CERS4: variants seen among roughly 807,000 people sequenced by gnomAD.
CERS4 encodes the protein LAG1 homolog, ceramide synthase 4.
CERS4 carries 65 observed loss-of-function variants against 51.8 expected under a neutral mutation model. That is an observed-to-expected ratio of 1.26 (90% CI 1.03 to 1.54). The LOEUF (loss-of-function observed/expected upper bound fraction) is 1.54. CERS4 is among the 40% of genes most tolerant of loss of function. The probability of loss-of-function intolerance (pLI) is 0.00; values close to 1 mark genes in which losing one functional copy is unlikely to be tolerated. For missense variants in CERS4, 563 were observed against 500.4 expected (o/e 1.13, Z -1.19); for synonymous variants, 228 against 208.4 (o/e 1.09, Z -0.81).
At chr19:8,223,176 A>G (rs746184453) in intron 2 of CERS4, among the ~76,000 whole-genome samples, 15 of 151,702 alleles carry the variant, frequency 9.9e-5, no homozygotes, top group Non-Finnish European at 1.9e-4. Context: ...TCTGCCAAAA[A>G]AAAAAATTAG....
At position 8,231,851 on chromosome 19, in the gene CERS4, A is replaced by ATTTTTTTTTTTTT. The variant is rs3042169; in HGVS notation, c.-1-19215_-1-19203dup. ...ACAAGCATGAGGCACTGTGCCCAGC[A>ATTTTTTTTTTTTT]TTTTTTTTTTTTTTTTTTTTTTAGA... On this transcript the variant is annotated intron_variant, in intron 2 of 11. Transcript: ENST00000251363. 5.5e-4 allele frequency among the ~76,000 whole-genome samples: 57 copies of ATTTTTTTTTTTTT among 104,406 alleles called. 5 individuals are homozygous for ATTTTTTTTTTTTT. Among genetic ancestry groups the ATTTTTTTTTTTTT allele is most frequent in the African/African-American group, 2.1e-3 (50 of 24,004 alleles). The allele number at this position is 104,406 out of a possible 152,430, so 68.5% of individuals were successfully genotyped here. A position where few individuals can be genotyped will look rare whatever the true frequency, so the allele number is the denominator to read the frequency against.
intron 2 of CERS4, among the ~76,000 whole-genome samples, chr19:8,227,534 G>T (rs1231145865): frequency 6.6e-6 from 1 of 151,932 alleles, no homozygotes; most frequent in Admixed American, 6.6e-5. Flanking sequence ...TGGAGATGGG[G>T]TTTCACCATG....
intron 10 of CERS4, 80 bp downstream of exon 10, chr19:8,258,065 T>C: frequency 9.3e-7 from 1 of 1,074,494 alleles, no homozygotes; most frequent in East Asian, 2.4e-5. Context: ...ATTGGTACCC[T>C]GCCCCAAGGA....
chr19:8,223,715 G>A (rs553938248), intron 2 of CERS4, among the ~76,000 whole-genome samples: 1 of 152,262 alleles, frequency 6.6e-6, no homozygotes, highest in South Asian at 2.1e-4. Flanking sequence ...GAGCCTGGGA[G>A]GTCGAAACTG....
At chr19:8,218,977 C>CACTTT (rs912108240) in intron 2 of CERS4, among the ~76,000 whole-genome samples, 1 of 152,044 alleles carries the variant, frequency 6.6e-6, no homozygotes, top group Non-Finnish European at 1.5e-5. Flanking sequence ...GAGGCCGAGG[C>CACTTT]GGGAGGATCA....
At chr19:8,251,296 G>A in intron 3 of CERS4, 47 bp downstream of exon 3, 1 of 1,524,648 alleles carries the variant, frequency 6.6e-7, no homozygotes, top group Non-Finnish European at 8.8e-7. Context: ...AGTCGCTCCA[G>A]TATGTGCTCG....
At chr19:8,256,133 G>C (rs1238732181) in intron 6 of CERS4, 103 bp from the exon 7 acceptor site, 2 of 1,259,606 alleles carry the variant, frequency 1.6e-6, no homozygotes, top group African/African-American at 3.0e-5. Context: ...CTGGGTGAAG[G>C]TAGCATCTAT....
intron 2 of CERS4, among the ~76,000 whole-genome samples, chr19:8,234,954 G>C (rs1201645717): frequency 3.3e-5 from 5 of 151,100 alleles, no homozygotes; most frequent in African/African-American, 1.2e-4. Context: ...ATTTCATTCA[G>C]CATAACGTCC....
chr19:8,256,224 A>G lies in CERS4; in HGVS notation c.469-12A>G, dbSNP rs779324720. The G allele has an allele frequency of 3.1e-6, 5 of 1,610,224 alleles. No homozygotes were observed. Among genetic ancestry groups the G allele is most frequent in the Non-Finnish European group, 4.2e-6 (5 of 1,178,540 alleles). On this transcript the variant is annotated splice_polypyrimidine_tract_variant and intron_variant, in intron 6 of 11. Transcript: ENST00000251363. ...CTCACCTCTGCACAGCCTGACACCC[A>G]TTTCCCTGCAGGAGTCATGGCTGTG... is the stretch of plus-strand genomic sequence containing the variant.
chr19:8,261,567 G>A lies in CERS4; in HGVS notation c.849-121G>A, dbSNP rs1969703231. 4.5e-6 allele frequency: 5 copies of A among 1,120,170 alleles called. No individual in the cohort carries two copies. In the Admixed American group the frequency reaches 7.9e-5, roughly 18 times the overall value. The allele number at this position is 1,120,170 out of a possible 1,614,324, so 69.4% of individuals were successfully genotyped here. A position where few individuals can be genotyped will look rare whatever the true frequency, so the allele number is the denominator to read the frequency against. Reference sequence around the variant, plus strand: ...AGAGTGTTAGGTATCATGGGGTGGGGGGCACTAGGGAGCCATAGGTGGTTA... The same window carrying A: ...AGAGTGTTAGGTATCATGGGGTGGGAGGCACTAGGGAGCCATAGGTGGTTA... On this transcript the variant is annotated intron_variant, in intron 10 of 11. Coordinates refer to ENST00000251363, the MANE Select transcript of CERS4 (RefSeq NM_024552.3).
At chr19:8,254,721 A>G (rs1302773529) in intron 4 of CERS4, 105 bp downstream of exon 4, 8 of 958,902 alleles carry the variant, frequency 8.3e-6, no homozygotes, top group Middle Eastern at 3.2e-4. Context: ...AGGTGGCTGC[A>G]GGCACCCCTG....
rs369751457 is a variant in CERS4, at chr19:8,229,493, C to T, written c.-2+18631C>T. On this transcript the variant is annotated intron_variant, in intron 2 of 11. Transcript: ENST00000251363. ...TGCGATCCCAGCTCACTGCAACCTC[C>T]GTCTCCTGGGTTCAAGTGATTCTCC... is the stretch of plus-strand genomic sequence containing the variant. Among the ~76,000 whole-genome samples the T allele has an allele frequency of 1.7e-3, 253 of 152,210 alleles. 1 individual carries two copies. The highest frequency in any genetic ancestry group is 5.8e-3 in the African/African-American group (239 of 41,540).
intron 2 of CERS4, among the ~76,000 whole-genome samples, chr19:8,235,007 C>CTT (rs566104740): frequency 0.052 from 6,636 of 127,430 alleles, 333 homozygotes; most frequent in East Asian, 0.15. Flanking sequence ...TTCTTTCTTT[C>CTT]TTTCTTTTTT....
intron 2 of CERS4, among the ~76,000 whole-genome samples, chr19:8,247,706 C>G (rs1003516235): frequency 1.3e-5 from 2 of 151,226 alleles, no homozygotes; most frequent in Non-Finnish European, 2.9e-5. Context: ...AGGCATGAAC[C>G]ACTTTGCCTG....
At position 8,220,881 on chromosome 19, in the gene CERS4, G is replaced by T. The variant is rs1967507570; in HGVS notation, c.-2+10019G>T. On this transcript the variant is annotated intron_variant, in intron 2 of 11. Transcript: ENST00000251363. ...CTGTCACCCGGGCTGGAGTACAGTGGTGCAACCTCGGCTCACTGCAAGCTC... is the reference window on the plus strand; with the variant it reads ...CTGTCACCCGGGCTGGAGTACAGTGTTGCAACCTCGGCTCACTGCAAGCTC... 2.0e-5 allele frequency among the ~76,000 whole-genome samples: 3 copies of T among 151,840 alleles called. No homozygotes were observed. The South Asian group carries it at 6.2e-4, about 32-fold the overall frequency.
At chr19:8,247,304 T>A (rs1968830838) in intron 2 of CERS4, among the ~76,000 whole-genome samples, 1 of 145,570 alleles carries the variant, frequency 6.9e-6, no homozygotes, top group Non-Finnish European at 1.5e-5. Flanking sequence ...ACGGACCTCC[T>A]CACTGTTGCT....
rs542392583 is a variant in CERS4, at chr19:8,233,456, C to A, written c.-1-17620C>A. Among the ~76,000 whole-genome samples the A allele has an allele frequency of 3.3e-5, 5 of 152,086 alleles. No homozygotes were observed. The East Asian group carries it at 7.8e-4, about 24-fold the overall frequency. On this transcript the variant is annotated intron_variant, in intron 2 of 11. Transcript: ENST00000251363. ...TGCTGGGATTACAGGTGTGAGCCAC[C>A]GTGCCTGGCCCAGGTAGTTGTTTTT... is the stretch of plus-strand genomic sequence containing the variant.
intron 1 of CERS4, chr19:8,209,714 T>C: frequency 6.6e-6 from 1 of 152,440 alleles, no homozygotes; most frequent in Non-Finnish European, 1.5e-5. Flanking sequence ...GCGCAACGGG[T>C]GCCCGAGGAC....
intron 2 of CERS4, among the ~76,000 whole-genome samples, chr19:8,215,951 T>C (rs540935831): frequency 1.8e-4 from 28 of 152,166 alleles, no homozygotes; most frequent in Non-Finnish European, 3.1e-4. Flanking sequence ...TCTCTGTGCC[T>C]CGAGTCCAGG....
Sources: allele counts gnomAD v4.1 joint callset (sites outside exome capture counted in the v4.1 genomes callset), GRCh38; gene constraint gnomAD v4.1.1; transcripts MANE v1.5; gene names NCBI Gene and HGNC (gene_info 2026-07-23, HGNC 2026-07-21).